The following FGF12 variants were observed in gnomAD, a reference collection of about 807,000 sequenced individuals.
The protein encoded by FGF12 is fibroblast growth factor 12.
FGF12 carries 14 observed loss-of-function variants against 23.6 expected under a neutral mutation model. The observed-to-expected ratio is 0.59, with a 90% CI of 0.39 to 0.93. FGF12 has a LOEUF of 0.93. FGF12 is among the 40% of genes least tolerant of loss of function. FGF12 has a pLI of 0.00. For synonymous variants in FGF12, 62 were observed against 77.3 expected, an observed-to-expected ratio of 0.80 and a Z score of 1.04; for missense variants, 175 against 217.8, an observed-to-expected ratio of 0.80 and a Z score of 1.24.
Position 192,141,380 on chromosome 3 carries a change from A to G in FGF12, c.*2629T>C, listed in dbSNP as rs921772613. ...TATTAAAGTTTTCATGTACTTGAGA[A>G]GTAAGCAGGAGTTAAGCAAACATTC... On this transcript the variant is annotated 3_prime_UTR_variant, in exon 6 of 6. Coordinates refer to ENST00000445105, the MANE Select transcript of FGF12 (RefSeq NM_004113.6). 2 of 152,010 alleles carry G rather than the reference A, an allele frequency of 1.3e-5. No individual in the cohort carries two copies. Among genetic ancestry groups the G allele is most frequent in the South Asian group, 2.1e-4 (1 of 4,834 alleles). 9.4% of individuals were successfully genotyped at this position (152,010 alleles called of 1,614,324 possible).
chr3:192,319,259 T>C (rs189402979), intron 4 of FGF12, among the ~76,000 whole-genome samples: 1 of 152,244 alleles, frequency 6.6e-6, no homozygotes, highest in East Asian at 1.9e-4. Flanking sequence ...GTATAAACTA[T>C]TCATATCCTG....
chr3:192,584,283 T>C (rs1233592275), intron 2 of FGF12, among the ~76,000 whole-genome samples: 2 of 142,550 alleles, frequency 1.4e-5, no homozygotes, highest in South Asian at 2.4e-4. Flanking sequence ...CCGTTTTCTT[T>C]GTTGTATGCC....
intron 4 of FGF12, among the ~76,000 whole-genome samples, chr3:192,302,761 TG>T (rs746150922): frequency 7.7e-4 from 118 of 152,326 alleles, no homozygotes; most frequent in South Asian, 1.2e-3. Context: ...GAGGTACATG[TG>T]GAAAGTTTTG....
chr3:192,434,066 A>G (rs573413725), intron 2 of FGF12, among the ~76,000 whole-genome samples: 2 of 152,334 alleles, frequency 1.3e-5, no homozygotes, highest in East Asian at 3.9e-4. Context: ...CACCACCCTT[A>G]AACAGAGAAA....
chr3:192,345,420 G>GAAATT lies in FGF12; in HGVS notation c.125-9957_125-9956insAATTT, dbSNP rs1339802894. Among the ~76,000 whole-genome samples, 6 of 42,824 alleles carry GAAATT rather than the reference G, an allele frequency of 1.4e-4. 1 individual carries two copies. The highest frequency in any genetic ancestry group is 7.9e-3 in the East Asian group (1 of 126). 28.1% of individuals were successfully genotyped at this position (42,824 alleles called of 152,430 possible). A position where few individuals can be genotyped will look rare whatever the true frequency, so the allele number is the denominator to read the frequency against. On this transcript the variant is annotated intron_variant, in intron 3 of 5. Transcript: ENST00000445105. ...GATATAACATAGGCCGGGCGCGGTG[G>GAAATT]CTCACGCCTGTAATCCCAGCACTTT...
intron 5 of FGF12, among the ~76,000 whole-genome samples, chr3:192,158,438 CTT>C (rs1354634915): frequency 1.7e-5 from 2 of 118,360 alleles, no homozygotes; most frequent in African/African-American, 6.6e-5. Context: ...TTTTTTCTTT[CTT>C]TCTTTCTTCT....
At chr3:192,417,873 C>G (rs1025594241) in intron 2 of FGF12, among the ~76,000 whole-genome samples, 1 of 152,028 alleles carries the variant, frequency 6.6e-6, no homozygotes, top group South Asian at 2.1e-4. Flanking sequence ...GCTAAGAGAT[C>G]TGAGCCTTGG....
rs184064487 is a variant in FGF12, at chr3:192,633,638, T to C, written c.13+93543A>G. 1.0e-3 allele frequency among the ~76,000 whole-genome samples: 156 copies of C among 152,308 alleles called. 1 individual carries two copies. Among genetic ancestry groups the C allele is most frequent in the African/African-American group, 3.6e-3 (148 of 41,568 alleles). On this transcript the variant is annotated intron_variant, in intron 2 of 5. Transcript: ENST00000445105. ...TCAGAGAAGTTAGGATGTGCTGCTG[T>C]AGCACTGGAGTCATTCCGTATCACC...
intron 2 of FGF12, among the ~76,000 whole-genome samples, chr3:192,677,481 C>T (rs1717369074): frequency 6.6e-6 from 1 of 152,138 alleles, no homozygotes; most frequent in African/African-American, 2.4e-5. Flanking sequence ...TCACTTTGAA[C>T]AGAATTTCCA....
At chr3:192,708,912 A>G (rs1718576110) in intron 2 of FGF12, among the ~76,000 whole-genome samples, 2 of 152,214 alleles carry the variant, frequency 1.3e-5, no homozygotes, top group South Asian at 2.1e-4. Flanking sequence ...CTGATAAAGA[A>G]CTGACAATTG....
chr3:192,612,112 C>A (rs1274177864), intron 2 of FGF12, among the ~76,000 whole-genome samples: 1 of 151,986 alleles, frequency 6.6e-6, no homozygotes, highest in Admixed American at 6.6e-5. Flanking sequence ...TGTAGAATTG[C>A]AACCAAGGCC....
intron 4 of FGF12, among the ~76,000 whole-genome samples, chr3:192,334,324 A>T (rs1469758564): frequency 1.3e-5 from 2 of 152,098 alleles, no homozygotes; most frequent in Non-Finnish European, 2.9e-5. Context: ...AGTTTTGTTT[A>T]ATTGAACATT....
At chr3:192,649,271 T>G (rs979102313) in intron 2 of FGF12, among the ~76,000 whole-genome samples, 2 of 152,010 alleles carry the variant, frequency 1.3e-5, no homozygotes. Context: ...CCTCAGCCAC[T>G]GCATACGATA....
chr3:192,684,520 C>G (rs932957493), intron 2 of FGF12, among the ~76,000 whole-genome samples: 1 of 152,090 alleles, frequency 6.6e-6, no homozygotes, highest in African/African-American at 2.4e-5. Flanking sequence ...AACAGCTGTT[C>G]TCAAGTAGAA....
At chr3:192,651,427 G>A (rs900214665) in intron 2 of FGF12, among the ~76,000 whole-genome samples, 11 of 152,144 alleles carry the variant, frequency 7.2e-5, no homozygotes, top group Non-Finnish European at 1.2e-4. Flanking sequence ...AATAAATGAC[G>A]AGGGAGGTTA....
intron 2 of FGF12, among the ~76,000 whole-genome samples, chr3:192,548,504 C>T (rs1238154662): frequency 6.6e-6 from 1 of 152,076 alleles, no homozygotes; most frequent in Non-Finnish European, 1.5e-5. Context: ...TTCTAAATCC[C>T]TTTTCCAGAG....
At chr3:192,236,431 T>C (rs1346339342) in intron 4 of FGF12, among the ~76,000 whole-genome samples, 1 of 152,188 alleles carries the variant, frequency 6.6e-6, no homozygotes, top group Non-Finnish European at 1.5e-5. Context: ...TCTGCCTTCA[T>C]GATCTGTCTA....
intron 2 of FGF12, among the ~76,000 whole-genome samples, chr3:192,533,853 T>G (rs754155316): frequency 1.4e-4 from 22 of 152,234 alleles, no homozygotes; most frequent in Non-Finnish European, 2.8e-4. Flanking sequence ...TTCCTGGCAG[T>G]GTATTTTTCC....
At chr3:192,244,626 T>C (rs1312466932) in intron 4 of FGF12, among the ~76,000 whole-genome samples, 1 of 152,204 alleles carries the variant, frequency 6.6e-6, no homozygotes, top group East Asian at 1.9e-4. Flanking sequence ...TTGTATCTTA[T>C]GGTTGTGAGT....
Sources: gnomAD v4.1 joint callset for allele counts (sites outside exome capture counted in the v4.1 genomes callset) on GRCh38, gnomAD v4.1.1 for gene constraint, MANE v1.5 for transcripts, NCBI Gene and HGNC (gene_info 2026-07-23, HGNC 2026-07-21) for gene names.